The following PXDNL variants were observed in gnomAD, a reference collection of about 807,000 sequenced individuals.
The protein encoded by PXDNL is probable oxidoreductase PXDNL.
In PXDNL, 145 loss-of-function variants were observed where a neutral mutation model predicts 150.8. That is an observed-to-expected ratio of 0.96 (90% CI 0.84 to 1.10). The LOEUF (loss-of-function observed/expected upper bound fraction) is 1.10. Ranked by LOEUF, PXDNL falls within the 50% of genes least tolerant of loss-of-function variation. PXDNL has a pLI of 0.00. For missense variants in PXDNL, 2,087 were observed against 1,873.9 expected (o/e 1.11, Z -2.10); for synonymous variants, 757 against 725.7 (o/e 1.04, Z -0.69).
At chr8:51,758,621 G>A (rs993964674) in intron 1 of PXDNL, among the ~76,000 whole-genome samples, 3 of 152,122 alleles carry the variant, frequency 2.0e-5, no homozygotes, top group East Asian at 1.9e-4. Context: ...GAGTTTTCAC[G>A]AGATCTGATG....
intron 2 of PXDNL, among the ~76,000 whole-genome samples, chr8:51,610,775 G>T (rs1440112240): frequency 6.6e-6 from 1 of 152,140 alleles, no homozygotes; most frequent in Non-Finnish European, 1.5e-5. Context: ...CTGGAGAACT[G>T]CAGCCCTCAG....
chr8:51,431,292 C>T (rs923613970), intron 12 of PXDNL, among the ~76,000 whole-genome samples: 2 of 152,194 alleles, frequency 1.3e-5, no homozygotes, highest in African/African-American at 4.8e-5. Flanking sequence ...CCACTTATTT[C>T]TGCATGACCC....
At chr8:51,698,037 T>G (rs1816181974) in intron 1 of PXDNL, among the ~76,000 whole-genome samples, 1 of 152,256 alleles carries the variant, frequency 6.6e-6, no homozygotes, top group South Asian at 2.1e-4. Context: ...AATGACCATC[T>G]GAGCCCTCAG....
At chr8:51,591,530 C>A (rs774725953) in intron 3 of PXDNL, among the ~76,000 whole-genome samples, 10,531 of 152,186 alleles carry the variant, frequency 0.069, 455 homozygotes, top group South Asian at 0.1. Context: ...GGAATGGTGT[C>A]TTCTCTTTAA....
At chr8:51,337,942 G>T (rs1187603796) in intron 21 of PXDNL, among the ~76,000 whole-genome samples, 1 of 146,262 alleles carries the variant, frequency 6.8e-6, no homozygotes, top group Non-Finnish European at 1.5e-5. Context: ...ACTTTGGGAG[G>T]TCGAAGCGGG....
chr8:51,539,698 T>C (rs1286326319), intron 4 of PXDNL, among the ~76,000 whole-genome samples: 2 of 152,186 alleles, frequency 1.3e-5, no homozygotes, highest in African/African-American at 4.8e-5. Flanking sequence ...AAGTTGTATT[T>C]TTCACAAATA....
chr8:51,640,726 CA>C (rs1285217916), intron 2 of PXDNL, among the ~76,000 whole-genome samples: 1 of 152,162 alleles, frequency 6.6e-6, no homozygotes, highest in African/African-American at 2.4e-5. Context: ...AACGGAAGAA[CA>C]TTCCATGCTC....
In PXDNL at chr8:51,671,978, G is replaced by T. The variant is rs142003890; in HGVS notation, c.165-17218C>A. Among the ~76,000 whole-genome samples the T allele has an allele frequency of 1.0e-3, 156 of 152,220 alleles. 1 individual carries two copies. The highest frequency in any genetic ancestry group is 3.6e-3 in the African/African-American group (149 of 41,556). On this transcript the variant is annotated intron_variant, in intron 1 of 22. Transcript: ENST00000356297. Reference sequence around the variant, plus strand: ...ACCGAGAATAAATTAACTATTGCAAGTCAAAACATTCTTATTTTTTTGAGA... The same window carrying T: ...ACCGAGAATAAATTAACTATTGCAATTCAAAACATTCTTATTTTTTTGAGA...
intron 19 of PXDNL, among the ~76,000 whole-genome samples, chr8:51,357,868 G>A (rs1806565556): frequency 6.6e-6 from 1 of 152,040 alleles, no homozygotes; most frequent in African/African-American, 2.4e-5. Context: ...GCCTACTTCT[G>A]GGCATCACAC....
At chr8:51,346,201 G>A (rs1294227562) in intron 19 of PXDNL, among the ~76,000 whole-genome samples, 1 of 152,192 alleles carries the variant, frequency 6.6e-6, no homozygotes, top group African/African-American at 2.4e-5. Flanking sequence ...AACCTCTGGA[G>A]GAGCCCCAGG....
At chr8:51,448,668 C>T (rs1282470928) in intron 11 of PXDNL, among the ~76,000 whole-genome samples, 1 of 151,726 alleles carries the variant, frequency 6.6e-6, no homozygotes, top group Non-Finnish European at 1.5e-5. Context: ...CCACTGCACT[C>T]CAGCCTGGGC....
chr8:51,453,737 C>T lies in PXDNL; in HGVS notation c.1031G>A (p.Gly344Asp), dbSNP rs1809862573. Residue 344 changes from glycine (G) to aspartate (D), a missense_variant, in exon 10 of 23, where the codon GGC (glycine) becomes GAC (aspartate). Physicochemically the swap from Gly to Asp is moderately conservative, Grantham distance 94. Coordinates refer to ENST00000356297, the MANE Select transcript of PXDNL (RefSeq NM_144651.5). ...IQPQDTEVLI[G>D]TSTTLECMAT... ...CATACATTCCAAAGTTGTGCTGGTGCCAATTAAAACCTCTGTGTCCTGAGG... is the reference window on the plus strand; with the variant it reads ...CATACATTCCAAAGTTGTGCTGGTGTCAATTAAAACCTCTGTGTCCTGAGG... 1 of 1,613,982 alleles carries T rather than the reference C, an allele frequency of 6.2e-7. No homozygotes were observed. Among genetic ancestry groups the T allele is most frequent in the African/African-American group, 1.3e-5 (1 of 75,034 alleles).
intron 14 of PXDNL, among the ~76,000 whole-genome samples, chr8:51,413,794 C>G (rs944581451): frequency 1.3e-5 from 2 of 152,166 alleles, no homozygotes; most frequent in Admixed American, 6.5e-5. Context: ...AAGCTATTTA[C>G]TTACAGCTGA....
chr8:51,399,706 G>A (rs1437309414), intron 17 of PXDNL, among the ~76,000 whole-genome samples: 1 of 152,182 alleles, frequency 6.6e-6, no homozygotes, highest in Non-Finnish European at 1.5e-5. Context: ...CACTTAAAAT[G>A]TGTGCATTGT....
At chr8:51,801,916 T>C (rs545911651) in intron 1 of PXDNL, among the ~76,000 whole-genome samples, 122 of 152,344 alleles carry the variant, frequency 8.0e-4, no homozygotes, top group South Asian at 2.3e-3. Context: ...AAACCATGCA[T>C]GTAGGCAGGT....
chr8:51,427,758 G>T (rs1241707064), intron 12 of PXDNL, among the ~76,000 whole-genome samples: 1 of 152,106 alleles, frequency 6.6e-6, no homozygotes, highest in Non-Finnish European at 1.5e-5. Context: ...ACTTGGAAAA[G>T]AACATATACA....
chr8:51,615,949 G>T (rs761952035), intron 2 of PXDNL, among the ~76,000 whole-genome samples: 1 of 152,130 alleles, frequency 6.6e-6, no homozygotes, highest in Non-Finnish European at 1.5e-5. Context: ...GACTGTCCAT[G>T]CAAGTGTCAC....
At chr8:51,686,618 C>T (rs1471087316) in intron 1 of PXDNL, among the ~76,000 whole-genome samples, 1 of 152,034 alleles carries the variant, frequency 6.6e-6, no homozygotes, top group Non-Finnish European at 1.5e-5. Context: ...GAGAATTAAC[C>T]TAGAATTAAT....
chr8:51,370,863 C>T (rs1004560962), intron 19 of PXDNL, among the ~76,000 whole-genome samples: 1 of 152,236 alleles, frequency 6.6e-6, no homozygotes, highest in Non-Finnish European at 1.5e-5. Flanking sequence ...TCCCAAAGTG[C>T]TGGGATTACA....
Sources: allele counts gnomAD v4.1 joint callset (sites outside exome capture counted in the v4.1 genomes callset), GRCh38; gene constraint gnomAD v4.1.1; transcripts MANE v1.5; gene names NCBI Gene and HGNC (gene_info 2026-07-23, HGNC 2026-07-21).